RIN3: variants seen among roughly 807,000 people sequenced by gnomAD.
RIN3 encodes Ras and Rab interactor 3.
In RIN3, 54 loss-of-function variants were observed where a neutral mutation model predicts 76.3. The observed-to-expected ratio is 0.71, with a 90% CI of 0.57 to 0.89. The LOEUF (loss-of-function observed/expected upper bound fraction) is 0.89, where lower values mean the gene tolerates loss of function less well. RIN3 is among the 40% of genes least tolerant of loss of function. The pLI is 0.00. For missense variants in RIN3, 1,256 were observed against 1,322.1 expected (o/e 0.95, Z 0.78); for synonymous variants, 576 against 564.0 (o/e 1.02, Z -0.30).
chr14:92,642,566 G>C (rs893582143), intron 5 of RIN3, among the ~76,000 whole-genome samples: 14 of 152,138 alleles, frequency 9.2e-5, no homozygotes, highest in African/African-American at 3.1e-4. Flanking sequence ...GTGCTCCATG[G>C]GGCTGAGCAC....
At chr14:92,577,519 A>G (rs1566850923) in intron 3 of RIN3, 42 bp downstream of exon 3, 1 of 1,119,712 alleles carries the variant, frequency 8.9e-7, no homozygotes, top group East Asian at 2.6e-5. Context: ...ACCACGCGGC[A>G]GCAGCAGCAG....
Position 92,623,105 on chromosome 14 carries a change from A to G in RIN3, c.440+7626A>G, listed in dbSNP as rs1035189689. ...TGCGAGAGAGGTAACAATAGAGGCC[A>G]TGAGTCCTTTCCATTTACCAAACCA... On this transcript the variant is annotated intron_variant, in intron 4 of 9. Coordinates refer to ENST00000216487, the MANE Select transcript of RIN3 (RefSeq NM_024832.5). This position sits in a 1 kb window ranked among gnomAD's most constrained non-coding sequence, Gnocchi z 4.9. 5.9e-5 allele frequency among the ~76,000 whole-genome samples: 9 copies of G among 152,380 alleles called. No individual in the cohort carries two copies. Among genetic ancestry groups the G allele is most frequent in the African/African-American group, 2.2e-4 (9 of 41,598 alleles).
In RIN3 at chr14:92,541,517, T is replaced by C. The variant is rs143080764; in HGVS notation, c.45-14234T>C. 1.2e-4 allele frequency among the ~76,000 whole-genome samples: 19 copies of C among 152,348 alleles called. No individual in the cohort carries two copies. In the East Asian group the frequency reaches 3.3e-3, roughly 26 times the overall value. ...GAACCACTCCATATTTTATGGTCAA[T>C]TGATTTTTGACAAGGCTGCCAAAAC... On this transcript the variant is annotated intron_variant, in intron 1 of 9. Transcript: ENST00000216487.
intron 7 of RIN3, among the ~76,000 whole-genome samples, chr14:92,673,305 A>T (rs1423650377): frequency 6.6e-6 from 1 of 152,050 alleles, no homozygotes; most frequent in African/African-American, 2.4e-5. Context: ...AGCCATCTCC[A>T]CTTCTTAGCT....
At chr14:92,603,465 C>T (rs866699429) in intron 3 of RIN3, among the ~76,000 whole-genome samples, 1 of 152,128 alleles carries the variant, frequency 6.6e-6, no homozygotes, top group African/African-American at 2.4e-5. Flanking sequence ...TGTGCAACGA[C>T]CCAGAGGGTG....
At chr14:92,670,830 G>A (rs1888264141) in intron 7 of RIN3, among the ~76,000 whole-genome samples, 1 of 152,192 alleles carries the variant, frequency 6.6e-6, no homozygotes, top group African/African-American at 2.4e-5. Context: ...TCCCAGCTCT[G>A]TGTTCTTGTT....
intron 2 of RIN3, among the ~76,000 whole-genome samples, chr14:92,558,931 A>G (rs751825128): frequency 2.1e-5 from 3 of 144,808 alleles, no homozygotes; most frequent in African/African-American, 7.8e-5. Flanking sequence ...CAGTGGCGCA[A>G]TCTCAGCTCA....
rs373869994 is a variant in RIN3, at chr14:92,661,758, C to CACACACACAA, written c.2335+2290_2335+2291insCACACACAAA. On this transcript the variant is annotated intron_variant, in intron 7 of 9. Transcript: ENST00000216487. ...ACACACACACACACACACACACACA[C>CACACACACAA]AAAAAATAGAATTGTGCTCCCCAAA... 1.9e-3 allele frequency among the ~76,000 whole-genome samples: 251 copies of CACACACACAA among 133,280 alleles called. 1 individual carries two copies. Among genetic ancestry groups the CACACACACAA allele is most frequent in the Middle Eastern group, 3.9e-3 (1 of 254 alleles). 87.4% of individuals were successfully genotyped at this position (133,280 alleles called of 152,430 possible). A position where few individuals can be genotyped will look rare whatever the true frequency, so the allele number is the denominator to read the frequency against.
chr14:92,642,414 G>T (rs909529326), intron 5 of RIN3, among the ~76,000 whole-genome samples: 3 of 152,236 alleles, frequency 2.0e-5, no homozygotes, highest in East Asian at 1.9e-4. Context: ...TTTCTTACAG[G>T]GAAAGGGAGA....
chr14:92,632,297 C>T (rs949699781), intron 4 of RIN3, among the ~76,000 whole-genome samples: 1 of 152,094 alleles, frequency 6.6e-6, no homozygotes, highest in Non-Finnish European at 1.5e-5. Context: ...GCAGTGATTT[C>T]GTGACTGGCT....
chr14:92,616,469 C>T (rs970007266), intron 4 of RIN3, among the ~76,000 whole-genome samples: 3 of 152,204 alleles, frequency 2.0e-5, no homozygotes, highest in African/African-American at 7.2e-5. Flanking sequence ...CCTGTTATAA[C>T]TGAAGTGTGA....
At chr14:92,672,055 CTTTA>C (rs1221816474) in intron 7 of RIN3, among the ~76,000 whole-genome samples, 1 of 152,142 alleles carries the variant, frequency 6.6e-6, no homozygotes, top group African/African-American at 2.4e-5. Flanking sequence ...GAAATGGAGT[CTTTA>C]TTTGGGGTGG....
intron 4 of RIN3, among the ~76,000 whole-genome samples, chr14:92,620,471 C>T (rs1315771600): frequency 6.6e-6 from 1 of 152,158 alleles, no homozygotes; most frequent in Non-Finnish European, 1.5e-5. Flanking sequence ...TGGTGTGCTC[C>T]ATTAATTCCT....
intron 5 of RIN3, among the ~76,000 whole-genome samples, chr14:92,649,797 G>A (rs913700046): frequency 1.2e-4 from 18 of 152,334 alleles, no homozygotes; most frequent in African/African-American, 4.3e-4. Context: ...ATGCTTGTTA[G>A]TGTGATGAGA....
chr14:92,537,269 G>A lies in RIN3; in HGVS notation c.45-18482G>A, dbSNP rs146130839. 2.2e-3 allele frequency among the ~76,000 whole-genome samples: 329 copies of A among 152,164 alleles called. 3 individuals carry two copies. Among genetic ancestry groups the A allele is most frequent in the African/African-American group, 7.2e-3 (299 of 41,522 alleles). On this transcript the variant is annotated intron_variant, in intron 1 of 9. Transcript: ENST00000216487. ...ATATGGTACTAATATTTCCTACATT[G>A]CTTTTGTCCTTCAGCCACCCACCCA...
intron 4 of RIN3, among the ~76,000 whole-genome samples, chr14:92,637,723 G>A (rs1886825872): frequency 6.6e-6 from 1 of 152,176 alleles, no homozygotes; most frequent in Non-Finnish European, 1.5e-5. Context: ...AACAGGGAAA[G>A]CTCTTGGTGA....
chr14:92,515,267 C>T (rs1043538257), intron 1 of RIN3: 4 of 699,694 alleles, frequency 5.7e-6, no homozygotes, highest in African/African-American at 3.5e-5. Flanking sequence ...AAGAGCCCCC[C>T]AACCCTCACA....
rs116384995 is a variant in RIN3 at position 92,597,996 on chromosome 14, T to C, written c.368-17411T>C. Among the ~76,000 whole-genome samples the C allele has an allele frequency of 3.9e-3, 590 of 152,318 alleles. 2 individuals are homozygous for C. Among genetic ancestry groups the C allele is most frequent in the African/African-American group, 0.014 (576 of 41,558 alleles). On this transcript the variant is annotated intron_variant, in intron 3 of 9. Coordinates refer to ENST00000216487, the MANE Select transcript of RIN3 (RefSeq NM_024832.5). ...AGAATAAAGATGGTCATGCACTCTTTGACAATTCTCCCATCAAGATTCTAT... is the reference window on the plus strand; with the variant it reads ...AGAATAAAGATGGTCATGCACTCTTCGACAATTCTCCCATCAAGATTCTAT...
intron 6 of RIN3, 70 bp from the exon 7 acceptor site, chr14:92,659,091 G>T: frequency 1.4e-6 from 2 of 1,472,140 alleles, no homozygotes; most frequent in Admixed American, 1.7e-5. Context: ...CTGTGCTGTT[G>T]GGCAACAGAA....
Sources: allele counts gnomAD v4.1 joint callset (sites outside exome capture counted in the v4.1 genomes callset), GRCh38; gene constraint gnomAD v4.1.1; non-coding constraint Gnocchi (gnomAD v3.1); transcripts MANE v1.5; gene names NCBI Gene and HGNC (gene_info 2026-07-23, HGNC 2026-07-21).